The following CSGALNACT1 variants were observed in gnomAD, a reference collection of about 807,000 sequenced individuals.
CSGALNACT1 encodes the protein chondroitin sulfate N-acetylgalactosaminyltransferase 1.
CSGALNACT1 carries 52 observed loss-of-function variants against 51.0 expected under a neutral mutation model. The observed-to-expected ratio is 1.02, with a 90% CI of 0.82 to 1.29. CSGALNACT1 has a LOEUF of 1.29. Ranked by LOEUF, CSGALNACT1 falls within the 50% of genes most tolerant of loss-of-function variation. CSGALNACT1 has a pLI of 0.00. For missense variants in CSGALNACT1, 935 were observed against 679.2 expected (o/e 1.38, Z -4.19); for synonymous variants, 341 against 254.4 (o/e 1.34, Z -3.24).
intron 1 of CSGALNACT1, among the ~76,000 whole-genome samples, chr8:19,680,824 A>G (rs954217298): frequency 1.3e-5 from 2 of 152,098 alleles, no homozygotes; most frequent in African/African-American, 4.8e-5. Flanking sequence ...TTCACATGGA[A>G]AAACAAATAT....
In CSGALNACT1 at chr8:19,647,032, G is replaced by A. The variant is rs375916453; in HGVS notation, c.-544+35441C>T. ...CGGCTGAGTGGCTCAGCTTACCACC[G>A]AGCACCTGTAAGCCTAGTGGTCCCC... On this transcript the variant is annotated intron_variant, in intron 1 of 9. Coordinates refer to the CSGALNACT1 transcript ENST00000332246. Among the ~76,000 whole-genome samples, 24 of 152,058 alleles carry A rather than the reference G, an allele frequency of 1.6e-4. No individual in the cohort carries two copies. The East Asian group carries it at 3.1e-3, about 20-fold the overall frequency.
chr8:19,474,496 C>T (rs1429769562), intron 4 of CSGALNACT1, among the ~76,000 whole-genome samples: 1 of 151,950 alleles, frequency 6.6e-6, no homozygotes, highest in Non-Finnish European at 1.5e-5. Flanking sequence ...GTGACTAAAG[C>T]CCAGATGATA....
At chr8:19,468,834 T>A (rs1008454602) in intron 4 of CSGALNACT1, among the ~76,000 whole-genome samples, 6 of 152,094 alleles carry the variant, frequency 3.9e-5, no homozygotes, top group African/African-American at 9.7e-5. Flanking sequence ...ACATCCCCAC[T>A]GTGTAAGCTG....
intron 6 of CSGALNACT1, among the ~76,000 whole-genome samples, chr8:19,430,866 GTGT>G (rs1292253726): frequency 1.3e-5 from 2 of 152,020 alleles, no homozygotes; most frequent in African/African-American, 4.8e-5. Context: ...TTTCAAAGTT[GTGT>G]TGTAGTTTTC....
chr8:19,485,759 C>CTT (rs386412239), intron 4 of CSGALNACT1, among the ~76,000 whole-genome samples: 2,282 of 38,516 alleles, frequency 0.059, 860 homozygotes, highest in African/African-American at 0.15. Flanking sequence ...CCTCAGCTTG[C>CTT]TTTTTTTTTT....
At chr8:19,734,201 G>A (rs1367182700) in intron 1 of CSGALNACT1, among the ~76,000 whole-genome samples, 2 of 151,612 alleles carry the variant, frequency 1.3e-5, no homozygotes, top group Non-Finnish European at 2.9e-5. Flanking sequence ...TACACAACCT[G>A]AAATCTACAC....
chr8:19,675,821 T>G (rs192987029), intron 1 of CSGALNACT1, among the ~76,000 whole-genome samples: 1 of 152,166 alleles, frequency 6.6e-6, no homozygotes. Context: ...CACCCCACTC[T>G]GCCCAAGGTC....
intron 1 of CSGALNACT1, among the ~76,000 whole-genome samples, chr8:19,709,237 C>T (rs1003827857): frequency 6.6e-6 from 1 of 152,154 alleles, no homozygotes. Context: ...AAAAAGGACT[C>T]AAGCCTATGC....
intron 6 of CSGALNACT1, among the ~76,000 whole-genome samples, chr8:19,433,721 G>A (rs2059978698): frequency 6.6e-6 from 1 of 152,202 alleles, no homozygotes; most frequent in African/African-American, 2.4e-5. Context: ...AATGCATGTG[G>A]CCCAGGACAG....
intron 8 of CSGALNACT1, among the ~76,000 whole-genome samples, chr8:19,416,504 ACATTCACTCAC>A (rs1196226292): frequency 6.6e-6 from 1 of 152,196 alleles, no homozygotes; most frequent in Non-Finnish European, 1.5e-5. Flanking sequence ...ACAGGCCTTC[ACATTCACTCAC>A]CATCCACTCA....
At chr8:19,450,533 T>A (rs1456027490) in intron 5 of CSGALNACT1, among the ~76,000 whole-genome samples, 1 of 152,062 alleles carries the variant, frequency 6.6e-6, no homozygotes, top group African/African-American at 2.4e-5. Flanking sequence ...GGGTCCCACA[T>A]CAGCCAGGAC....
At chr8:19,623,489 A>C (rs1427971432) in intron 1 of CSGALNACT1, among the ~76,000 whole-genome samples, 1 of 152,262 alleles carries the variant, frequency 6.6e-6, no homozygotes, top group Non-Finnish European at 1.5e-5. Flanking sequence ...AGAATTGAAC[A>C]ATACTATTAA....
intron 7 of CSGALNACT1, among the ~76,000 whole-genome samples, chr8:19,419,981 T>C (rs2057642663): frequency 6.6e-6 from 1 of 152,182 alleles, no homozygotes; most frequent in African/African-American, 2.4e-5. Context: ...TAAATAAGTC[T>C]CAAGAGATTT....
intron 3 of CSGALNACT1, chr8:19,585,245 C>G (rs1017968539): frequency 6.6e-6 from 1 of 152,226 alleles, no homozygotes; most frequent in African/African-American, 2.4e-5. Context: ...AAGGTTCTCT[C>G]CTCCAACCAC....
At chr8:19,639,520 G>C (rs116875433) in intron 1 of CSGALNACT1, among the ~76,000 whole-genome samples, 2,189 of 152,220 alleles carry the variant, frequency 0.014, 24 homozygotes, top group Non-Finnish European at 0.022. Flanking sequence ...ACAAAACTAG[G>C]GTACCCCCAT....
chr8:19,575,462 G>C (rs1045296796), intron 3 of CSGALNACT1, among the ~76,000 whole-genome samples: 1 of 152,180 alleles, frequency 6.6e-6, no homozygotes, highest in Non-Finnish European at 1.5e-5. Context: ...ACCAGAGATA[G>C]AGAAACACAT....
intron 4 of CSGALNACT1, among the ~76,000 whole-genome samples, chr8:19,470,540 C>T (rs140040328): frequency 2.6e-5 from 4 of 152,198 alleles, no homozygotes; most frequent in African/African-American, 9.6e-5. Context: ...ACTCTGCAGA[C>T]AGGTGTGAGG....
At chr8:19,750,023 G>A (rs138431809) in intron 1 of CSGALNACT1, among the ~76,000 whole-genome samples, 1 of 152,222 alleles carries the variant, frequency 6.6e-6, no homozygotes, top group Non-Finnish European at 1.5e-5. Flanking sequence ...CCCAGCCTTG[G>A]ACCCCTCAAG....
intron 1 of CSGALNACT1, among the ~76,000 whole-genome samples, chr8:19,679,933 T>C (rs2060474490): frequency 1.3e-5 from 2 of 152,294 alleles, no homozygotes; most frequent in African/African-American, 4.8e-5. Flanking sequence ...GGGGCCTACA[T>C]ACCGGCTTAG....
Sources: allele counts gnomAD v4.1 joint callset (sites outside exome capture counted in the v4.1 genomes callset), GRCh38; gene constraint gnomAD v4.1.1; transcripts MANE v1.5; gene names NCBI Gene and HGNC (gene_info 2026-07-23, HGNC 2026-07-21).